The following ZNF93 variants were observed in gnomAD, a reference collection of about 807,000 sequenced individuals.
ZNF93 encodes zinc finger protein 505.
In ZNF93, 29 loss-of-function variants were observed where a neutral mutation model predicts 45.0. The ratio of observed to expected loss-of-function variants is 0.64; its 90% CI spans 0.48 to 0.88. The LOEUF (loss-of-function observed/expected upper bound fraction) is 0.88. Ranked by LOEUF, ZNF93 falls within the 40% of genes least tolerant of loss-of-function variation. The probability of loss-of-function intolerance (pLI) is 0.00; values close to 1 mark genes in which losing one functional copy is unlikely to be tolerated. For missense variants in ZNF93, 578 were observed against 724.0 expected (o/e 0.80, Z 2.31); for synonymous variants, 223 against 244.6 (o/e 0.91, Z 0.82).
chr19:19,903,915 AC>A (rs1430018267), intron 1 of ZNF93, among the ~76,000 whole-genome samples: 1 of 151,842 alleles, frequency 6.6e-6, no homozygotes, highest in Non-Finnish European at 1.5e-5. Context: ...TACTACAAAT[AC>A]AAAAACTAGG....
rs111989463 is a variant in ZNF93, at chr19:19,915,353, G to A, written c.77G>A (p.Arg26Gln). 242 of 1,614,016 alleles carry A rather than the reference G, an allele frequency of 1.5e-4. 4 individuals carry two copies. In the South Asian group the frequency reaches 2.0e-3, roughly 13 times the overall value. Residue 26 changes from arginine (R) to glutamine (Q), a missense_variant, in exon 2 of 4, where the codon CGG becomes CAG. Around this residue, in one of 3 missense-constraint regions of ZNF93, gnomAD observed 446 missense variants for 547.6 expected, o/e 0.81. Coordinates refer to ENST00000343769, the MANE Select transcript of ZNF93 (RefSeq NM_031218.4). Reference protein sequence around the residue: ...EEWHCLDTAQRNLYRNVMLEN... With the variant: ...EEWHCLDTAQQNLYRNVMLEN... ...TGGCATTGCCTGGACACTGCACAGC[G>A]GAATCTATATAGGAATGTGATGTTA... is the stretch of plus-strand genomic sequence containing the variant.
At chr19:19,921,485 C>T (rs1297315103) in intron 3 of ZNF93, among the ~76,000 whole-genome samples, 4 of 152,104 alleles carry the variant, frequency 2.6e-5, no homozygotes, top group Non-Finnish European at 5.9e-5. Flanking sequence ...GAGTTCAATT[C>T]CTGGATATCC....
intron 1 of ZNF93, chr19:19,907,738 C>CA (rs2063296902): frequency 6.6e-6 from 1 of 151,916 alleles, no homozygotes; most frequent in South Asian, 2.1e-4. Flanking sequence ...GGAGTCTTAC[C>CA]ACGTTCGCCA....
At chr19:19,903,034 CG>C (rs1381996633) in intron 1 of ZNF93, among the ~76,000 whole-genome samples, 1 of 152,052 alleles carries the variant, frequency 6.6e-6, no homozygotes, top group Non-Finnish European at 1.5e-5. Flanking sequence ...CCACCGCGCC[CG>C]GCCTTTGGGA....
At chr19:19,905,977 A>ACAT (rs2063291856) in intron 1 of ZNF93, among the ~76,000 whole-genome samples, 1 of 152,212 alleles carries the variant, frequency 6.6e-6, no homozygotes, top group Non-Finnish European at 1.5e-5. Context: ...TGCTGCAATG[A>ACAT]ACATGAATGT....
At chr19:19,926,004 A>C (rs2063354910) in intron 3 of ZNF93, 1 of 152,094 alleles carries the variant, frequency 6.6e-6, no homozygotes, top group Admixed American at 6.5e-5. Flanking sequence ...ACTGCCATAC[A>C]GTGCATACCA....
At position 19,915,390 on chromosome 19, in the gene ZNF93, T is replaced by G. The variant is rs150187903; in HGVS notation, c.114T>G (p.Ser38Arg). The change falls in exon 2 of 4, where the codon AGT (serine) becomes AGG (arginine). Residue 38 changes from serine (S) to arginine (R), a missense_variant. Physicochemically the swap from Ser to Arg is moderately radical, Grantham distance 110 (BLOSUM62 -1). Transcript: ENST00000343769. ...GGAATGTGATGTTAGAGAACTACAG[T>G]AACCTGGTCTTCCTTGGTGAGGATA... ...LYRNVMLENY[S>R]NLVFLGIVVS... 1 of 1,613,588 alleles carries G rather than the reference T, an allele frequency of 6.2e-7. No homozygotes were observed. Among genetic ancestry groups the G allele is most frequent in the Non-Finnish European group, 8.5e-7 (1 of 1,179,778 alleles).
chr19:19,915,176 C>T, intron 1 of ZNF93, 104 bp from the exon 2 acceptor site: 10 of 1,594,320 alleles, frequency 6.3e-6, no homozygotes, highest in Non-Finnish European at 8.6e-6. Context: ...TTAGTCAGTC[C>T]TATAAGTCAG....
intron 1 of ZNF93, among the ~76,000 whole-genome samples, chr19:19,915,025 G>C (rs559421063): frequency 7.2e-5 from 11 of 152,210 alleles, no homozygotes; most frequent in African/African-American, 2.2e-4. Context: ...ACATGTTCAT[G>C]TTCATGCCCT....
chr19:19,905,349 G>C (rs2063289464), intron 1 of ZNF93, among the ~76,000 whole-genome samples: 2 of 151,994 alleles, frequency 1.3e-5, no homozygotes, highest in Non-Finnish European at 2.9e-5. Context: ...TATATTTTCT[G>C]ATCCTCTTAC....
At chr19:19,922,516 A>G (rs1170678236) in intron 3 of ZNF93, among the ~76,000 whole-genome samples, 1 of 152,216 alleles carries the variant, frequency 6.6e-6, no homozygotes, top group East Asian at 1.9e-4. Flanking sequence ...TCTCCTGGAT[A>G]ATATCCTGCA....
intron 3 of ZNF93, among the ~76,000 whole-genome samples, chr19:19,928,968 G>A (rs559050381): frequency 1.3e-5 from 2 of 152,100 alleles, no homozygotes; most frequent in Admixed American, 6.5e-5. Context: ...TGTCTATGTT[G>A]TCCAAATCTC....
At chr19:19,901,310 C>T (rs961773130) in intron 1 of ZNF93, among the ~76,000 whole-genome samples, 21 of 152,178 alleles carry the variant, frequency 1.4e-4, no homozygotes, top group Non-Finnish European at 2.9e-4. Flanking sequence ...GGTGACTGTG[C>T]CCTGGCTTGG....
chr19:19,934,928 G>C lies in ZNF93; in HGVS notation c.*110G>C, dbSNP rs2063388608. 1 of 1,243,634 alleles carries C rather than the reference G, an allele frequency of 8.0e-7. No individual in the cohort carries two copies. Among genetic ancestry groups the C allele is most frequent in the Admixed American group, 2.6e-5 (1 of 38,400 alleles). 77.0% of individuals were successfully genotyped at this position (1,243,634 alleles called of 1,614,324 possible). ...CCAAACTCCTCCCAGGCACAGTCTG[G>C]CAGAGGTCCTGCCATTTCGGAGACC... On this transcript the variant is annotated 3_prime_UTR_variant, in exon 4 of 4. Transcript: ENST00000343769.
In ZNF93 at chr19:19,933,468, A is replaced by AT; in HGVS notation, c.513_514insT (p.Pro172SerfsTer12). The AT allele has an allele frequency of 6.2e-7, 1 of 1,604,238 alleles. No individual in the cohort carries two copies. ...ATAATATAAGACATACTGAAAAAAAACCTTTCAAATGCATAGAATGTGGCA... is the reference window on the plus strand; with the variant it reads ...ATAATATAAGACATACTGAAAAAAAATCCTTTCAAATGCATAGAATGTGGCA... On this transcript the variant is annotated frameshift_variant, in exon 4 of 4. Transcript: ENST00000343769. LOFTEE classifies it high-confidence loss of function.
chr19:19,917,881 CT>C (rs1234896402), intron 3 of ZNF93, among the ~76,000 whole-genome samples: 1 of 152,016 alleles, frequency 6.6e-6, no homozygotes, highest in African/African-American at 2.4e-5. Flanking sequence ...CAAACAGCAA[CT>C]TTTTACTTAT....
chr19:19,903,270 CAA>C (rs1434616015), intron 1 of ZNF93, among the ~76,000 whole-genome samples: 1 of 152,014 alleles, frequency 6.6e-6, no homozygotes, highest in Non-Finnish European at 1.5e-5. Context: ...AGGGGAATGG[CAA>C]ATGGAGGGTG....
chr19:19,929,796 G>A (rs1599573429), intron 3 of ZNF93, among the ~76,000 whole-genome samples: 1 of 151,266 alleles, frequency 6.6e-6, no homozygotes, highest in Admixed American at 6.6e-5. Flanking sequence ...AAATTAGCCG[G>A]GCGTAGTGGC....
rs7359838 is a variant in ZNF93 at position 19,923,989 on chromosome 19, C to T, written c.226+7334C>T. ...GTACCTCAGTTGGAGATGCAGAAAT[C>T]ATCCGTCTTCTGTGTTGCTCACACT... On this transcript the variant is annotated intron_variant, in intron 3 of 3. Coordinates refer to ENST00000343769, the MANE Select transcript of ZNF93 (RefSeq NM_031218.4). Among the ~76,000 whole-genome samples, 911 of 152,300 alleles carry T rather than the reference C, an allele frequency of 6.0e-3. 13 individuals carry two copies. Among genetic ancestry groups the T allele is most frequent in the African/African-American group, 0.02 (827 of 41,552 alleles).
Sources: gnomAD v4.1 joint callset for allele counts (sites outside exome capture counted in the v4.1 genomes callset) on GRCh38, gnomAD v4.1.1 for gene constraint, gnomAD v4.1.1 regional missense constraint, MANE v1.5 for transcripts, NCBI Gene and HGNC (gene_info 2026-07-23, HGNC 2026-07-21) for gene names.